Variants in NPFFR2 observed in about 807,000 individuals in gnomAD.
The protein encoded by NPFFR2 is neuropeptide FF receptor 2.
A neutral mutation model predicts 13.1 loss-of-function variants in NPFFR2; 15 were observed. The ratio of observed to expected loss-of-function variants is 1.15; its 90% CI spans 0.77 to 1.76. The LOEUF (loss-of-function observed/expected upper bound fraction) is 1.76. NPFFR2 is among the 40% of genes most tolerant of loss of function. The pLI is 0.00. For missense variants in NPFFR2, 572 were observed against 503.5 expected (o/e 1.14, Z -1.30); for synonymous variants, 190 against 175.7 (o/e 1.08, Z -0.65).
At chr4:72,120,795 TGAG>T (rs1721848953) in intron 1 of NPFFR2, among the ~76,000 whole-genome samples, 2 of 152,150 alleles carry the variant, frequency 1.3e-5, no homozygotes, top group Non-Finnish European at 1.5e-5. Flanking sequence ...TACATGAAAA[TGAG>T]GAGAAACCAG....
chr4:72,107,789 A>G (rs368868415), intron 1 of NPFFR2, among the ~76,000 whole-genome samples: 1 of 152,128 alleles, frequency 6.6e-6, no homozygotes, highest in South Asian at 2.1e-4. Flanking sequence ...CTTGAAAATA[A>G]TATTATTTTC....
chr4:72,037,253 C>T (rs1719062784), intron 1 of NPFFR2, among the ~76,000 whole-genome samples: 1 of 151,316 alleles, frequency 6.6e-6, no homozygotes, highest in South Asian at 2.1e-4. Context: ...AAAAAACTAG[C>T]TGGTCATAGT....
At chr4:72,142,034 G>T (rs957142862) in intron 3 of NPFFR2, among the ~76,000 whole-genome samples, 1 of 152,022 alleles carries the variant, frequency 6.6e-6, no homozygotes, top group Non-Finnish European at 1.5e-5. Flanking sequence ...TGTCTCTTTT[G>T]ATCTTTGTCA....
At chr4:72,106,294 A>G (rs1236042501) in intron 1 of NPFFR2, among the ~76,000 whole-genome samples, 5 of 152,008 alleles carry the variant, frequency 3.3e-5, no homozygotes, top group Non-Finnish European at 5.9e-5. Context: ...TCACTCGCCA[A>G]CTGACACTCC....
rs1373955824 is a variant in NPFFR2, at chr4:72,114,191, T to G, written c.-7-14394T>G. Among the ~76,000 whole-genome samples, 4 of 152,148 alleles carry G rather than the reference T, an allele frequency of 2.6e-5. No individual in the cohort carries two copies. In the East Asian group the frequency reaches 7.7e-4, roughly 29 times the overall value. ...AAAAAAGTGTGCATAAATATAAAAT[T>G]CATTGAATTTTTAAAAACTGAATAT... On this transcript the variant is annotated intron_variant, in intron 1 of 3. Coordinates refer to ENST00000308744, the MANE Select transcript of NPFFR2 (RefSeq NM_004885.3).
chr4:72,042,176 C>T (rs942543998), intron 1 of NPFFR2, among the ~76,000 whole-genome samples: 2 of 152,090 alleles, frequency 1.3e-5, no homozygotes, highest in African/African-American at 4.8e-5. Context: ...GATCTGATGG[C>T]TTTATAAGGG....
At chr4:72,059,508 AG>A (rs1463519573) in intron 1 of NPFFR2, among the ~76,000 whole-genome samples, 1 of 152,112 alleles carries the variant, frequency 6.6e-6, no homozygotes, top group African/African-American at 2.4e-5. Flanking sequence ...GCAATTTAAC[AG>A]GGATGTAAGA....
intron 3 of NPFFR2, among the ~76,000 whole-genome samples, chr4:72,138,492 A>G (rs1397189510): frequency 6.9e-6 from 1 of 144,276 alleles, no homozygotes; most frequent in Non-Finnish European, 1.5e-5. Context: ...ATTCCCACCT[A>G]TGAGTGAGAA....
At chr4:72,084,352 C>A (rs1017273088) in intron 1 of NPFFR2, among the ~76,000 whole-genome samples, 3 of 151,912 alleles carry the variant, frequency 2.0e-5, no homozygotes, top group African/African-American at 7.3e-5. Flanking sequence ...ATTAATATGG[C>A]TGAGGATAAA....
intron 1 of NPFFR2, among the ~76,000 whole-genome samples, chr4:72,082,901 A>G (rs1457650847): frequency 5.3e-5 from 8 of 152,144 alleles, no homozygotes; most frequent in African/African-American, 1.4e-4. Flanking sequence ...TATAATTGCT[A>G]TCATGCAGCA....
At chr4:72,047,963 C>G (rs4533728) in intron 1 of NPFFR2, among the ~76,000 whole-genome samples, 134,673 of 152,048 alleles carry the variant, frequency 0.89, 60,743 homozygotes, top group Non-Finnish European at 0.98. Flanking sequence ...AAAGTTATTC[C>G]TAAATTTGAC....
intron 1 of NPFFR2, among the ~76,000 whole-genome samples, chr4:72,104,139 A>T (rs1412074791): frequency 2.0e-5 from 3 of 152,088 alleles, no homozygotes; most frequent in Non-Finnish European, 4.4e-5. Flanking sequence ...AGCTACATCC[A>T]TGTGATCCCT....
intron 3 of NPFFR2, among the ~76,000 whole-genome samples, chr4:72,140,660 C>T (rs1433921989): frequency 6.6e-6 from 1 of 152,142 alleles, no homozygotes; most frequent in East Asian, 1.9e-4. Flanking sequence ...ATTCTATTTG[C>T]CAGTATTTCA....
chr4:72,074,319 C>T (rs1022379774), intron 1 of NPFFR2, among the ~76,000 whole-genome samples: 1 of 152,012 alleles, frequency 6.6e-6, no homozygotes, highest in Non-Finnish European at 1.5e-5. Context: ...TCATAAATCT[C>T]ATCACATAGG....
intron 1 of NPFFR2, among the ~76,000 whole-genome samples, chr4:72,051,183 G>A (rs1454591748): frequency 4.0e-5 from 6 of 151,610 alleles, no homozygotes; most frequent in African/African-American, 7.3e-5. Context: ...CTGAGGAGTT[G>A]CCACACTGAC....
chr4:72,074,668 A>G (rs1185245975), intron 1 of NPFFR2, among the ~76,000 whole-genome samples: 1 of 152,142 alleles, frequency 6.6e-6, no homozygotes. Flanking sequence ...ATAAGACCCT[A>G]CTACTTATCA....
intron 2 of NPFFR2, among the ~76,000 whole-genome samples, chr4:72,130,244 G>A (rs1158895543): frequency 1.3e-5 from 2 of 152,164 alleles, no homozygotes; most frequent in African/African-American, 4.8e-5. Context: ...CAGGGCACAT[G>A]TAAGATGATA....
chr4:72,141,983 T>G (rs1418856859), intron 3 of NPFFR2, among the ~76,000 whole-genome samples: 1 of 152,216 alleles, frequency 6.6e-6, no homozygotes, highest in African/African-American at 2.4e-5. Context: ...TTATTTCTTA[T>G]TGTTGAATTG....
rs576460325 is a variant in NPFFR2, at chr4:72,037,469, TC to T, written c.-8+5271del. Among the ~76,000 whole-genome samples, 277 of 151,920 alleles carry T rather than the reference TC, an allele frequency of 1.8e-3. 2 individuals carry two copies. Among genetic ancestry groups the T allele is most frequent in the African/African-American group, 6.0e-3 (250 of 41,464 alleles). ...ATTTTCCTTCTCATTTTACTTTCTG[TC>T]CTTGCATTCTTGGCACACTGATAAT... On this transcript the variant is annotated intron_variant, in intron 1 of 3. Transcript: ENST00000308744.
Sources: allele counts gnomAD v4.1 joint callset (sites outside exome capture counted in the v4.1 genomes callset), GRCh38; gene constraint gnomAD v4.1.1; transcripts MANE v1.5; gene names NCBI Gene and HGNC (gene_info 2026-07-23, HGNC 2026-07-21).